The following PRKAG2 variants were observed in gnomAD, a reference collection of about 807,000 sequenced individuals.
The protein encoded by PRKAG2 is protein kinase AMP-activated non-catalytic subunit gamma 2.
Under a neutral mutation model 69.6 loss-of-function variants are expected in PRKAG2, and 26 were observed. The ratio of observed to expected loss-of-function variants is 0.37; its 90% CI spans 0.27 to 0.52. PRKAG2 has a LOEUF of 0.52. Ranked by LOEUF, PRKAG2 falls within the 20% of genes least tolerant of loss-of-function variation. The probability of loss-of-function intolerance (pLI) is 0.90; values close to 1 mark genes in which losing one functional copy is unlikely to be tolerated. For synonymous variants in PRKAG2, 293 were observed against 285.0 expected (o/e 1.03, Z -0.28); for missense variants, 557 against 740.0 (o/e 0.75, Z 2.87).
At chr7:151,725,865 G>T (rs532617284) in intron 3 of PRKAG2, among the ~76,000 whole-genome samples, 2 of 152,108 alleles carry the variant, frequency 1.3e-5, no homozygotes, top group African/African-American at 4.8e-5. Context: ...TCGAAATCCC[G>T]GTGGCTGAGC....
Position 151,781,287 on chromosome 7 carries a change from G to T in PRKAG2, c.331C>A (p.Gln111Lys), listed in dbSNP as rs778331706. The change falls in exon 3 of 16, where the codon CAG becomes AAG. Residue 111 changes from glutamine (Q) to lysine (K), a missense_variant. Physicochemically the swap from Gln to Lys is moderately conservative, Grantham distance 53. Coordinates refer to ENST00000287878, the MANE Select transcript of PRKAG2 (RefSeq NM_016203.4). The surrounding 1 kb of genome is among the most constrained non-coding windows in gnomAD (Gnocchi z 6.1). Reference protein sequence around the residue: ...SPKTVFPFSYQESPPRSPRRM... With the variant: ...SPKTVFPFSYKESPPRSPRRM... ...CGAGGGGAGCGTGGCGGGGACTCCT[G>T]GTAGGAGAACGGGAACACGGTTTTG... The T allele has an allele frequency of 1.3e-5, 21 of 1,614,012 alleles. No individual in the cohort carries two copies. In the East Asian group the frequency reaches 4.7e-4, roughly 36 times the overall value.
chr7:151,570,690 T>C lies in PRKAG2; in HGVS notation c.1052-465A>G, dbSNP rs566395059. Among the ~76,000 whole-genome samples the C allele has an allele frequency of 6.6e-4, 100 of 152,376 alleles. 1 individual carries two copies. The Middle Eastern group carries it at 0.02, about 31-fold the overall frequency. On this transcript the variant is annotated intron_variant, in intron 9 of 15. Coordinates refer to ENST00000287878, the MANE Select transcript of PRKAG2 (RefSeq NM_016203.4). ...TTTTACCAAATTGATGCTCAAAACC[T>C]ACTGCATTGTGGGCATCTTTCCAGC...
chr7:151,742,484 C>G (rs538515864), intron 3 of PRKAG2, among the ~76,000 whole-genome samples: 1 of 151,920 alleles, frequency 6.6e-6, no homozygotes, highest in Admixed American at 6.6e-5. Context: ...ATTAGCTGGG[C>G]GTGATGGTGC....
In PRKAG2 at chr7:151,807,642, C is replaced by T. The variant is rs1301412623; in HGVS notation, c.115-21101G>A. 2.2e-6 allele frequency: 1 copy of T among 457,358 alleles called. No homozygotes were observed. Among genetic ancestry groups the T allele is most frequent in the Non-Finnish European group, 4.4e-6 (1 of 226,574 alleles). 28.3% of individuals were successfully genotyped at this position (457,358 alleles called of 1,614,324 possible). The stretch of plus-strand genomic sequence containing the variant: ...AGCCCAGTTTCTCCAACAGGTAAGT[C>T]CCAGCAGGGTGCGATGTCCCAAACC... On this transcript the variant is annotated intron_variant, in intron 1 of 15. Transcript: ENST00000287878. The surrounding 1 kb of genome is among the most constrained non-coding windows in gnomAD (Gnocchi z 4.4).
chr7:151,758,184 C>A (rs2075215511), intron 3 of PRKAG2, among the ~76,000 whole-genome samples: 1 of 152,008 alleles, frequency 6.6e-6, no homozygotes. Flanking sequence ...TCCCAATGTC[C>A]AGCAGGGCTG....
chr7:151,621,553 T>C lies in PRKAG2; in HGVS notation c.754+10516A>G, dbSNP rs116542176. Reference sequence around the variant, plus strand: ...AAACAAAACAAAAAACCAACAAAAATAGTTTGAGATATAATTCACATTCAC... The same window carrying C: ...AAACAAAACAAAAAACCAACAAAAACAGTTTGAGATATAATTCACATTCAC... On this transcript the variant is annotated intron_variant, in intron 5 of 15. Coordinates refer to ENST00000287878, the MANE Select transcript of PRKAG2 (RefSeq NM_016203.4). Among the ~76,000 whole-genome samples, 349 of 152,038 alleles carry C rather than the reference T, an allele frequency of 2.3e-3. 1 individual carries two copies. The highest frequency in any genetic ancestry group is 7.8e-3 in the African/African-American group (323 of 41,464).
intron 3 of PRKAG2, among the ~76,000 whole-genome samples, chr7:151,740,729 G>A (rs1194559166): frequency 6.6e-6 from 1 of 152,228 alleles, no homozygotes; most frequent in African/African-American, 2.4e-5. Context: ...CACAAAGGAA[G>A]GAGAGGAGAA....
chr7:151,629,294 G>A (rs1029967538), intron 5 of PRKAG2, among the ~76,000 whole-genome samples: 2 of 152,210 alleles, frequency 1.3e-5, no homozygotes, highest in African/African-American at 2.4e-5. Context: ...ACCGGCAGCA[G>A]GAGCGGCCCC....
chr7:151,753,949 G>A (rs1354126355), intron 3 of PRKAG2, among the ~76,000 whole-genome samples: 3 of 152,102 alleles, frequency 2.0e-5, no homozygotes, highest in South Asian at 2.1e-4. Context: ...TAGGAGAATC[G>A]CTTGAGTTGC....
intron 11 of PRKAG2, chr7:151,566,666 C>A: frequency 2.4e-6 from 1 of 415,132 alleles, no homozygotes; most frequent in Non-Finnish European, 4.7e-6. Flanking sequence ...ATGTTCAAGT[C>A]AAAGAGTTCA....
At chr7:151,749,195 C>T (rs2151731699) in intron 3 of PRKAG2, among the ~76,000 whole-genome samples, 1 of 152,294 alleles carries the variant, frequency 6.6e-6, no homozygotes, top group East Asian at 1.9e-4. Context: ...GGAGAATTTG[C>T]CATCTTTTCT....
At chr7:151,798,489 A>G (rs2077671566) in intron 1 of PRKAG2, among the ~76,000 whole-genome samples, 1 of 151,746 alleles carries the variant, frequency 6.6e-6, no homozygotes, top group South Asian at 2.1e-4. Context: ...TAATTTTTCT[A>G]TTTTTAGTAG....
At chr7:151,648,505 C>T (rs1436578383) in intron 4 of PRKAG2, among the ~76,000 whole-genome samples, 4 of 151,992 alleles carry the variant, frequency 2.6e-5, no homozygotes, top group African/African-American at 7.3e-5. Context: ...TAGGAGGGGC[C>T]GGTGTCTTCT....
At chr7:151,658,097 G>A (rs1408270403) in intron 4 of PRKAG2, among the ~76,000 whole-genome samples, 1 of 151,648 alleles carries the variant, frequency 6.6e-6, no homozygotes, top group Non-Finnish European at 1.5e-5. Context: ...GGCGGAGATT[G>A]CAGTGAGCCG....
In PRKAG2 at chr7:151,788,857, T is replaced by C. The variant is rs2077137842; in HGVS notation, c.115-2316A>G. Among the ~76,000 whole-genome samples, 1 of 152,228 alleles carries C rather than the reference T, an allele frequency of 6.6e-6. No individual in the cohort carries two copies. The highest frequency in any genetic ancestry group is 1.5e-5 in the Non-Finnish European group (1 of 68,042). ...AAACGTAAGGGTGCAATTTCATTCT[T>C]TTACATGTAGATAGCCAGTTTTCCC... On this transcript the variant is annotated intron_variant, in intron 1 of 15. Transcript: ENST00000287878. The surrounding 1 kb of genome is among the most constrained non-coding windows in gnomAD (Gnocchi z 4.6).
chr7:151,741,390 T>A (rs1433694582), intron 3 of PRKAG2, among the ~76,000 whole-genome samples: 1 of 151,070 alleles, frequency 6.6e-6, no homozygotes, highest in Non-Finnish European at 1.5e-5. Flanking sequence ...AGAAAGAACA[T>A]TTCAAGGCCG....
At chr7:151,575,548 C>T (rs564672511) in intron 7 of PRKAG2, among the ~76,000 whole-genome samples, 268 of 152,262 alleles carry the variant, frequency 1.8e-3, no homozygotes, top group Admixed American at 6.1e-3. Flanking sequence ...AGATAAGTAA[C>T]GATGGCATTT....
At chr7:151,849,492 T>C (rs748364627) in intron 1 of PRKAG2, among the ~76,000 whole-genome samples, 2 of 152,208 alleles carry the variant, frequency 1.3e-5, no homozygotes, top group Non-Finnish European at 2.9e-5. Context: ...CAAGTCCTGC[T>C]GTATTCATTT....
chr7:151,759,994 G>A (rs1015489548), intron 3 of PRKAG2, among the ~76,000 whole-genome samples: 1 of 152,262 alleles, frequency 6.6e-6, no homozygotes, highest in African/African-American at 2.4e-5. Flanking sequence ...GATGTGGACT[G>A]TGGTGGGGTA....
Sources: allele counts gnomAD v4.1 joint callset (sites outside exome capture counted in the v4.1 genomes callset), GRCh38; gene constraint gnomAD v4.1.1; non-coding constraint Gnocchi (gnomAD v3.1); transcripts MANE v1.5; gene names NCBI Gene and HGNC (gene_info 2026-07-23, HGNC 2026-07-21).